The following ANO3 variants were observed in gnomAD, a reference collection of about 807,000 sequenced individuals.
ANO3 encodes anoctamin 3, also known as anoctamin-3.
A neutral mutation model predicts 144.8 loss-of-function variants in ANO3; 99 were observed. The ratio of observed to expected loss-of-function variants is 0.68; its 90% CI spans 0.58 to 0.81. The LOEUF is 0.81. ANO3 is among the 30% of genes least tolerant of loss of function. ANO3 has a pLI of 0.00. For synonymous variants in ANO3, 414 were observed against 392.6 expected (o/e 1.05, Z -0.64); for missense variants, 905 against 1,202.2 (o/e 0.75, Z 3.66).
chr11:26,609,633 A>G (rs1424768451), intron 17 of ANO3, among the ~76,000 whole-genome samples: 4 of 151,924 alleles, frequency 2.6e-5, no homozygotes, highest in South Asian at 2.1e-4. Context: ...TTCTTCATCT[A>G]TTCATCCATT....
chr11:26,458,918 T>A (rs538599966), intron 3 of ANO3, among the ~76,000 whole-genome samples: 1 of 152,112 alleles, frequency 6.6e-6, no homozygotes, highest in African/African-American at 2.4e-5. Context: ...TGATGTCAGG[T>A]GCTGATAAAA....
chr11:26,219,165 C>G (rs7116714), intron 1 of ANO3, among the ~76,000 whole-genome samples: 45,473 of 152,010 alleles, frequency 0.3, 7,624 homozygotes, highest in Non-Finnish European at 0.37. Context: ...AATAATATGT[C>G]TCTAGGTATT....
At chr11:26,198,462 G>A (rs1322579603) in intron 1 of ANO3, among the ~76,000 whole-genome samples, 1 of 152,130 alleles carries the variant, frequency 6.6e-6, no homozygotes, top group African/African-American at 2.4e-5. Context: ...TAAAGTAGAA[G>A]CGTTCTGGCC....
intron 1 of ANO3, among the ~76,000 whole-genome samples, chr11:26,235,712 C>T (rs931189650): frequency 6.6e-6 from 1 of 151,098 alleles, no homozygotes; most frequent in Admixed American, 6.6e-5. Flanking sequence ...ATTGTGATTA[C>T]ATTATTCATA....
intron 1 of ANO3, among the ~76,000 whole-genome samples, chr11:26,318,104 G>C (rs1237894470): frequency 6.6e-6 from 1 of 152,106 alleles, no homozygotes; most frequent in Non-Finnish European, 1.5e-5. Flanking sequence ...ACCAGGGCCT[G>C]TCAGGGAGTT....
In ANO3 at chr11:26,535,993, A is replaced by G. The variant is rs914453699; in HGVS notation, c.977-1413A>G. On this transcript the variant is annotated intron_variant, in intron 9 of 26. Coordinates refer to ENST00000256737, the MANE Select transcript of ANO3 (RefSeq NM_031418.4). ...CTCACATACCTAAACTTCACCAAAA[A>G]TAAAGAAATAAATTTAGTAAGTAAT... 2.6e-5 allele frequency among the ~76,000 whole-genome samples: 4 copies of G among 152,106 alleles called. No individual in the cohort carries two copies. The East Asian group carries it at 7.7e-4, about 29-fold the overall frequency.
chr11:26,487,939 G>A lies in ANO3; in HGVS notation c.433-20165G>A, dbSNP rs186349859. Among the ~76,000 whole-genome samples, 639 of 152,256 alleles carry A rather than the reference G, an allele frequency of 4.2e-3. 4 individuals are homozygous for A. Among genetic ancestry groups the A allele is most frequent in the Non-Finnish European group, 7.2e-3 (491 of 68,010 alleles). ...TCCCAGTACTTTGGGAGGCCGAGGTGGGCAGATCATGAGGTCAAGAGATTG... is the reference window on the plus strand; with the variant it reads ...TCCCAGTACTTTGGGAGGCCGAGGTAGGCAGATCATGAGGTCAAGAGATTG... On this transcript the variant is annotated intron_variant, in intron 4 of 26. Transcript: ENST00000256737.
intron 1 of ANO3, among the ~76,000 whole-genome samples, chr11:26,281,170 A>T (rs1853669585): frequency 6.6e-6 from 1 of 152,222 alleles, no homozygotes; most frequent in South Asian, 2.1e-4. Flanking sequence ...ATAAAGATAT[A>T]GAAAGGCTAA....
intron 7 of ANO3, 64 bp downstream of exon 7, chr11:26,525,743 T>C: frequency 7.9e-7 from 1 of 1,263,890 alleles, no homozygotes; most frequent in Non-Finnish European, 1.1e-6. Context: ...TAAGAAGATA[T>C]TTGATTCCCC....
chr11:26,662,060 G>A lies in ANO3; in HGVS notation c.*1616G>A, dbSNP rs1853893440. On this transcript the variant is annotated 3_prime_UTR_variant, in exon 27 of 27. Transcript: ENST00000256737. ...ACATATATATGCCAGTATTTCTCTA[G>A]TAAGATTATGTTTCTCTTACTAGAA... 1 of 152,030 alleles carries A rather than the reference G, an allele frequency of 6.6e-6. No individual in the cohort carries two copies. The highest frequency in any genetic ancestry group is 1.5e-5 in the Non-Finnish European group (1 of 67,966). 9.4% of individuals were successfully genotyped at this position (152,030 alleles called of 1,614,324 possible).
At chr11:26,204,640 T>C (rs1014360028) in intron 1 of ANO3, among the ~76,000 whole-genome samples, 1 of 152,122 alleles carries the variant, frequency 6.6e-6, no homozygotes, top group African/African-American at 2.4e-5. Flanking sequence ...TCTGGAGTAG[T>C]TTTCCTGATG....
At chr11:26,574,730 A>G (rs1590572002) in intron 14 of ANO3, among the ~76,000 whole-genome samples, 1 of 152,266 alleles carries the variant, frequency 6.6e-6, no homozygotes, top group Middle Eastern at 3.4e-3. Flanking sequence ...GTTGTTTATT[A>G]TTCAAGTTTA....
intron 1 of ANO3, among the ~76,000 whole-genome samples, chr11:26,196,923 A>C (rs1851600750): frequency 1.3e-5 from 2 of 152,176 alleles, no homozygotes; most frequent in East Asian, 1.9e-4. Flanking sequence ...AAACTCATTA[A>C]GAGAGAATAA....
At chr11:26,386,564 G>A (rs1156297021) in intron 1 of ANO3, among the ~76,000 whole-genome samples, 3 of 152,188 alleles carry the variant, frequency 2.0e-5, no homozygotes, top group Non-Finnish European at 4.4e-5. Flanking sequence ...GCATCACCAT[G>A]TTGCAATGGG....
intron 1 of ANO3, among the ~76,000 whole-genome samples, chr11:26,350,476 T>C (rs1035916565): frequency 5.3e-5 from 8 of 152,220 alleles, no homozygotes; most frequent in Non-Finnish European, 1.2e-4. Context: ...ATTGTTTCTT[T>C]TTAAAACTGT....
intron 1 of ANO3, among the ~76,000 whole-genome samples, chr11:26,372,108 G>A (rs901497989): frequency 6.6e-6 from 1 of 152,192 alleles, no homozygotes; most frequent in African/African-American, 2.4e-5. Flanking sequence ...CCCACATGTT[G>A]TGAGAGGGAC....
chr11:26,517,896 C>A (rs1196719048), intron 6 of ANO3, among the ~76,000 whole-genome samples: 1 of 151,980 alleles, frequency 6.6e-6, no homozygotes, highest in East Asian at 1.9e-4. Context: ...CAACCATAGT[C>A]ATTGCCCATA....
chr11:26,329,923 C>T (rs953223720), upstream of ANO3, among the ~76,000 whole-genome samples: 2 of 151,988 alleles, frequency 1.3e-5, no homozygotes, highest in Non-Finnish European at 2.9e-5. Flanking sequence ...AGCCATTCTC[C>T]TGCCTCAGCC....
chr11:26,359,487 GTACATGTATA>G (rs1855867213), intron 1 of ANO3, among the ~76,000 whole-genome samples: 1 of 152,166 alleles, frequency 6.6e-6, no homozygotes, highest in Non-Finnish European at 1.5e-5. Flanking sequence ...ATACACGTAT[GTACATGTATA>G]TACTGATCAA....
Sources: gnomAD v4.1 joint callset for allele counts (sites outside exome capture counted in the v4.1 genomes callset) on GRCh38, gnomAD v4.1.1 for gene constraint, MANE v1.5 for transcripts, NCBI Gene and HGNC (gene_info 2026-07-23, HGNC 2026-07-21) for gene names.